The following CACNA2D3 variants were observed in gnomAD, a reference collection of about 807,000 sequenced individuals.
The protein encoded by CACNA2D3 is voltage-dependent calcium channel subunit alpha-2/delta-3.
Under a neutral mutation model 160.6 loss-of-function variants are expected in CACNA2D3, and 60 were observed. The ratio of observed to expected loss-of-function variants is 0.37; its 90% CI spans 0.30 to 0.46. The LOEUF is 0.46. Among genes scored for constraint, CACNA2D3 ranks in the 20% least tolerant of loss-of-function variants. CACNA2D3 has a pLI of 1.00. For missense variants in CACNA2D3, 1,205 were observed against 1,365.0 expected (o/e 0.88, Z 1.85); for synonymous variants, 558 against 492.9 (o/e 1.13, Z -1.75).
chr3:54,884,713 G>T (rs940362545), intron 21 of CACNA2D3, among the ~76,000 whole-genome samples: 1 of 152,162 alleles, frequency 6.6e-6, no homozygotes, highest in Non-Finnish European at 1.5e-5. Context: ...GCGGATGACC[G>T]TTTTCACTTA....
intron 11 of CACNA2D3, among the ~76,000 whole-genome samples, chr3:54,715,821 G>A (rs1701040998): frequency 6.6e-6 from 1 of 152,182 alleles, no homozygotes; most frequent in African/African-American, 2.4e-5. Flanking sequence ...TAAACTTGGA[G>A]GACATTATGC....
chr3:54,822,730 TTTTC>T (rs61652736), intron 14 of CACNA2D3, among the ~76,000 whole-genome samples: 1,897 of 104,610 alleles, frequency 0.018, 78 homozygotes, highest in Non-Finnish European at 0.024. Flanking sequence ...TTCTTTTTTA[TTTTC>T]TTTCTTTCTT....
At chr3:54,434,657 C>T (rs1310893246) in intron 4 of CACNA2D3, among the ~76,000 whole-genome samples, 2 of 152,350 alleles carry the variant, frequency 1.3e-5, no homozygotes, top group African/African-American at 4.8e-5. Context: ...CAGTAGCAGG[C>T]TGGTGGCCTG....
chr3:54,193,768 G>A (rs1484639793), intron 2 of CACNA2D3, among the ~76,000 whole-genome samples: 1 of 152,192 alleles, frequency 6.6e-6, no homozygotes, highest in Non-Finnish European at 1.5e-5. Flanking sequence ...ATGTGTTGTT[G>A]TTGAGAGTGT....
chr3:54,894,418 T>A (rs1402380270), intron 25 of CACNA2D3, among the ~76,000 whole-genome samples: 1 of 152,140 alleles, frequency 6.6e-6, no homozygotes, highest in African/African-American at 2.4e-5. Flanking sequence ...GACACCCAGA[T>A]GTGCAGCATT....
intron 11 of CACNA2D3, among the ~76,000 whole-genome samples, chr3:54,729,252 A>G (rs1342307505): frequency 1.3e-5 from 2 of 152,114 alleles, no homozygotes; most frequent in African/African-American, 2.4e-5. Flanking sequence ...GGCAAATGCT[A>G]TGAGAGGGGA....
intron 4 of CACNA2D3, among the ~76,000 whole-genome samples, chr3:54,408,992 A>G (rs1344999907): frequency 6.6e-6 from 1 of 152,192 alleles, no homozygotes; most frequent in Non-Finnish European, 1.5e-5. Flanking sequence ...AAATGTTGTG[A>G]GCTCCATGAG....
chr3:54,857,964 G>T (rs1194911009), intron 17 of CACNA2D3, among the ~76,000 whole-genome samples: 2 of 151,974 alleles, frequency 1.3e-5, no homozygotes, highest in Non-Finnish European at 2.9e-5. Context: ...AAGGAAATTT[G>T]ATTTAGAAGA....
intron 4 of CACNA2D3, among the ~76,000 whole-genome samples, chr3:54,502,646 A>G (rs532135508): frequency 6.6e-6 from 1 of 152,336 alleles, no homozygotes; most frequent in South Asian, 2.1e-4. Context: ...GGACAGACTC[A>G]AGATAGATGG....
chr3:54,921,352 T>G (rs1317221769), intron 27 of CACNA2D3, among the ~76,000 whole-genome samples: 1 of 152,172 alleles, frequency 6.6e-6, no homozygotes, highest in Non-Finnish European at 1.5e-5. Context: ...CTCTGAGGAC[T>G]CAGTTGGATA....
At chr3:54,465,052 C>T (rs1168627544) in intron 4 of CACNA2D3, among the ~76,000 whole-genome samples, 1 of 151,542 alleles carries the variant, frequency 6.6e-6, no homozygotes, top group African/African-American at 2.4e-5. Flanking sequence ...TTCTTTTCTT[C>T]TCCTTTTTTT....
intron 4 of CACNA2D3, among the ~76,000 whole-genome samples, chr3:54,428,528 G>A (rs1699941914): frequency 6.6e-6 from 1 of 151,648 alleles, no homozygotes; most frequent in African/African-American, 2.4e-5. Context: ...GTTAAAAAAA[G>A]TCTTTAAAAA....
At chr3:54,806,569 G>A (rs1703132507) in intron 13 of CACNA2D3, among the ~76,000 whole-genome samples, 1 of 151,854 alleles carries the variant, frequency 6.6e-6, no homozygotes, top group South Asian at 2.1e-4. Flanking sequence ...CAAACAAATG[G>A]AAGAAAATTC....
At chr3:54,859,665 T>C (rs1319320616) in intron 17 of CACNA2D3, among the ~76,000 whole-genome samples, 1 of 152,110 alleles carries the variant, frequency 6.6e-6, no homozygotes, top group Non-Finnish European at 1.5e-5. Context: ...GCTTGGCCAC[T>C]TCTGTGTGCC....
At chr3:54,657,575 C>T (rs961794968) in intron 11 of CACNA2D3, among the ~76,000 whole-genome samples, 1 of 152,178 alleles carries the variant, frequency 6.6e-6, no homozygotes, top group African/African-American at 2.4e-5. Context: ...TTGTTATCTA[C>T]TTGTATACCT....
chr3:54,330,924 C>T (rs1704235030), intron 3 of CACNA2D3, among the ~76,000 whole-genome samples: 2 of 152,250 alleles, frequency 1.3e-5, no homozygotes, highest in South Asian at 4.1e-4. Flanking sequence ...TAGGGTTGGC[C>T]TCTGAGACCA....
intron 5 of CACNA2D3, among the ~76,000 whole-genome samples, chr3:54,562,061 A>C (rs1702334279): frequency 6.6e-6 from 1 of 152,170 alleles, no homozygotes. Flanking sequence ...ATTATCTCCT[A>C]CCAGGTCCCT....
intron 11 of CACNA2D3, among the ~76,000 whole-genome samples, chr3:54,728,103 T>C (rs1161648932): frequency 1.3e-5 from 2 of 152,212 alleles, no homozygotes; most frequent in African/African-American, 2.4e-5. Context: ...GTGTATATCT[T>C]CTTGAATCTA....
chr3:54,881,170 A>G (rs972493955), intron 21 of CACNA2D3, among the ~76,000 whole-genome samples: 1 of 152,198 alleles, frequency 6.6e-6, no homozygotes, highest in Non-Finnish European at 1.5e-5. Context: ...AAAGCAGAGT[A>G]TCAGTAAATA....
Sources: allele counts gnomAD v4.1 joint callset (sites outside exome capture counted in the v4.1 genomes callset), GRCh38; gene constraint gnomAD v4.1.1; transcripts MANE v1.5; gene names NCBI Gene and HGNC (gene_info 2026-07-23, HGNC 2026-07-21).